Variants in CA10 observed in about 807,000 individuals in gnomAD.
CA10 encodes the protein carbonic anhydrase-related protein 10.
Under a neutral mutation model 44.2 loss-of-function variants are expected in CA10, and 14 were observed. The observed-to-expected ratio is 0.32, with a 90% CI of 0.21 to 0.50. The LOEUF is 0.50. Among genes scored for constraint, CA10 ranks in the 20% least tolerant of loss-of-function variants. The probability of loss-of-function intolerance (pLI) is 0.99; values close to 1 mark genes in which losing one functional copy is unlikely to be tolerated. For synonymous variants in CA10, 159 were observed against 141.6 expected (o/e 1.12, Z -0.87); for missense variants, 350 against 409.7 (o/e 0.85, Z 1.26).
At chr17:51,985,420 C>A (rs169386) in intron 2 of CA10, among the ~76,000 whole-genome samples, 130,507 of 151,980 alleles carry the variant, frequency 0.86, 56,072 homozygotes, top group East Asian at 0.95. Context: ...AATGGCAAAA[C>A]GTTGAAAGGA....
At chr17:51,796,511 A>G (rs929475739) in intron 3 of CA10, among the ~76,000 whole-genome samples, 1 of 152,180 alleles carries the variant, frequency 6.6e-6, no homozygotes, top group African/African-American at 2.4e-5. Context: ...TGAGTCAACA[A>G]AACAGATTAG....
chr17:51,953,252 T>C (rs537389955), intron 2 of CA10, among the ~76,000 whole-genome samples: 1 of 152,298 alleles, frequency 6.6e-6, no homozygotes, highest in East Asian at 1.9e-4. Context: ...GATGGCTATC[T>C]GGTTGATCCA....
chr17:51,876,114 T>C (rs184205467), intron 3 of CA10, among the ~76,000 whole-genome samples: 16 of 151,664 alleles, frequency 1.1e-4, no homozygotes, highest in African/African-American at 3.6e-4. Flanking sequence ...GCTATAAACA[T>C]TCATGTGTAG....
chr17:51,909,300 C>CA (rs1050184814), intron 3 of CA10, among the ~76,000 whole-genome samples: 94 of 152,210 alleles, frequency 6.2e-4, no homozygotes, highest in African/African-American at 2.2e-3. Flanking sequence ...AGGGGGAGCT[C>CA]AGAGTTCTTT....
chr17:51,692,397 ATCTATCTATCTATCTATCT>A (rs1915237301), intron 4 of CA10, among the ~76,000 whole-genome samples: 1 of 129,396 alleles, frequency 7.7e-6, no homozygotes, highest in African/African-American at 2.5e-5. Flanking sequence ...CTATCTATCT[ATCTATCTATCTATCTATCT>A]ATCTATCTAT....
At chr17:51,853,014 A>G (rs1329113163) in intron 3 of CA10, among the ~76,000 whole-genome samples, 1 of 140,548 alleles carries the variant, frequency 7.1e-6, no homozygotes, top group Non-Finnish European at 1.5e-5. Flanking sequence ...AATGCATTCT[A>G]TTTAGAAATA....
intron 2 of CA10, among the ~76,000 whole-genome samples, chr17:51,961,188 A>AACACACACACAC (rs71149387): frequency 2.3e-4 from 33 of 145,100 alleles, no homozygotes; most frequent in South Asian, 1.3e-3. Context: ...TGTACACACA[A>AACACACACACAC]ACACACACAC....
chr17:52,024,913 T>C (rs374940977), intron 2 of CA10, among the ~76,000 whole-genome samples: 54 of 151,836 alleles, frequency 3.6e-4, no homozygotes, highest in African/African-American at 1.2e-3. Flanking sequence ...GTAAAAATGA[T>C]TATCATTACC....
intron 3 of CA10, among the ~76,000 whole-genome samples, chr17:51,835,686 A>G (rs1401074208): frequency 2.0e-5 from 3 of 152,204 alleles, no homozygotes; most frequent in Admixed American, 6.5e-5. Flanking sequence ...AATTCCTAAC[A>G]GTTATTGAGT....
intron 1 of CA10, among the ~76,000 whole-genome samples, chr17:52,139,932 C>T (rs1989441041): frequency 6.6e-6 from 1 of 152,258 alleles, no homozygotes; most frequent in East Asian, 1.9e-4. Flanking sequence ...AAGGAATTAT[C>T]AAACGAAAGA....
At chr17:51,859,345 A>G (rs1041383907) in intron 3 of CA10, among the ~76,000 whole-genome samples, 4 of 152,190 alleles carry the variant, frequency 2.6e-5, no homozygotes, top group South Asian at 2.1e-4. Flanking sequence ...CCATGTCTGT[A>G]AGTGAGTGAC....
At chr17:51,995,434 T>G (rs1319848396) in intron 2 of CA10, among the ~76,000 whole-genome samples, 2 of 152,032 alleles carry the variant, frequency 1.3e-5, no homozygotes, top group African/African-American at 4.8e-5. Context: ...TAAAAAAATA[T>G]GCAAACAATG....
intron 3 of CA10, among the ~76,000 whole-genome samples, chr17:51,793,719 G>C (rs1223699772): frequency 6.6e-6 from 1 of 152,232 alleles, no homozygotes; most frequent in African/African-American, 2.4e-5. Flanking sequence ...CATGGTATCT[G>C]TAGAGGAGAG....
chr17:51,947,609 T>C (rs1021270014), intron 2 of CA10, among the ~76,000 whole-genome samples: 4 of 152,158 alleles, frequency 2.6e-5, no homozygotes, highest in East Asian at 1.9e-4. Context: ...AAACTACACA[T>C]GCAAAGTTTT....
intron 2 of CA10, among the ~76,000 whole-genome samples, chr17:51,938,381 G>A (rs1161068250): frequency 6.6e-6 from 1 of 152,080 alleles, no homozygotes; most frequent in Non-Finnish European, 1.5e-5. Flanking sequence ...GGTACAGGGA[G>A]GCAACTTTCA....
chr17:51,638,735 G>A (rs1330880109), intron 6 of CA10, among the ~76,000 whole-genome samples: 1 of 152,226 alleles, frequency 6.6e-6, no homozygotes, highest in Non-Finnish European at 1.5e-5. Context: ...TGGGCCCAGA[G>A]AGAGGCTGTG....
intron 6 of CA10, among the ~76,000 whole-genome samples, chr17:51,636,485 G>A (rs1431947319): frequency 6.6e-6 from 1 of 152,172 alleles, no homozygotes; most frequent in South Asian, 2.1e-4. Flanking sequence ...TTGGGGATGC[G>A]AGGAAGCACA....
At chr17:51,898,351 A>G (rs1458626104) in intron 3 of CA10, among the ~76,000 whole-genome samples, 1 of 152,124 alleles carries the variant, frequency 6.6e-6, no homozygotes, top group African/African-American at 2.4e-5. Context: ...GATAAATAAC[A>G]TTTATTGATT....
intron 1 of CA10, among the ~76,000 whole-genome samples, chr17:52,111,004 G>A (rs1988778441): frequency 6.6e-6 from 1 of 152,172 alleles, no homozygotes. Flanking sequence ...TGACATGACA[G>A]GGACTCAATA....
Sources: gnomAD v4.1 joint callset for allele counts (sites outside exome capture counted in the v4.1 genomes callset) on GRCh38, gnomAD v4.1.1 for gene constraint, MANE v1.5 for transcripts, NCBI Gene and HGNC (gene_info 2026-07-23, HGNC 2026-07-21) for gene names.